The following TTC6 variants were observed in gnomAD, a reference collection of about 807,000 sequenced individuals.
The protein encoded by TTC6 is tetratricopeptide repeat protein 6.
Under a neutral mutation model 210.4 loss-of-function variants are expected in TTC6, and 172 were observed. The ratio of observed to expected loss-of-function variants is 0.82; its 90% confidence interval spans 0.72 to 0.93. The LOEUF (loss-of-function observed/expected upper bound fraction) is 0.93, where lower values mean the gene tolerates loss of function less well. TTC6 is among the 40% of genes least tolerant of loss of function. TTC6 has a pLI of 0.00. For synonymous variants in TTC6, 804 were observed against 819.6 expected (o/e 0.98, Z 0.32); for missense variants, 2,414 against 2,318.1 (o/e 1.04, Z -0.85).
intron 1 of TTC6, among the ~76,000 whole-genome samples, chr14:37,624,469 G>C (rs1381452303): frequency 6.6e-6 from 1 of 152,130 alleles, no homozygotes; most frequent in African/African-American, 2.4e-5. Context: ...GTCCCGTACA[G>C]TTGAGGAAAG....
At chr14:37,759,131 C>A (rs1032318944) in intron 14 of TTC6, among the ~76,000 whole-genome samples, 4 of 151,784 alleles carry the variant, frequency 2.6e-5, no homozygotes, top group African/African-American at 9.7e-5. Flanking sequence ...GGCGTGGTGG[C>A]ATATGCCTAT....
chr14:37,805,744 A>G (rs1434783266), intron 21 of TTC6, among the ~76,000 whole-genome samples: 1 of 152,078 alleles, frequency 6.6e-6, no homozygotes, highest in Non-Finnish European at 1.5e-5. Context: ...CTCTGTCGCC[A>G]GGGTGGAGTG....
At chr14:37,800,023 C>T (rs1459992614) in intron 20 of TTC6, among the ~76,000 whole-genome samples, 1 of 151,968 alleles carries the variant, frequency 6.6e-6, no homozygotes, top group Non-Finnish European at 1.5e-5. Context: ...TTTTTTGCAG[C>T]AACAAGAAAA....
intron 4 of TTC6, among the ~76,000 whole-genome samples, chr14:37,697,588 C>G (rs963928353): frequency 2.0e-5 from 3 of 152,006 alleles, no homozygotes; most frequent in Admixed American, 6.6e-5. Context: ...TTTTTATGGC[C>G]AGCTCAAACT....
intron 20 of TTC6, among the ~76,000 whole-genome samples, chr14:37,801,806 C>T (rs2096107306): frequency 6.6e-6 from 1 of 152,176 alleles, no homozygotes. Context: ...CGCTTTTATA[C>T]ATTTCAACCA....
At chr14:37,784,693 G>A (rs2096063559) in intron 14 of TTC6, among the ~76,000 whole-genome samples, 2 of 152,192 alleles carry the variant, frequency 1.3e-5, no homozygotes, top group Admixed American at 6.5e-5. Flanking sequence ...TTGCTTGTTA[G>A]TTGATGCAGT....
intron 18 of TTC6, 121 bp downstream of exon 20, chr14:37,795,473 T>G: frequency 1.8e-6 from 1 of 551,552 alleles, no homozygotes; most frequent in Middle Eastern, 2.8e-4. Flanking sequence ...CTCCCAGCAA[T>G]TGCCATTTCC....
intron 1 of TTC6, among the ~76,000 whole-genome samples, chr14:37,673,784 C>G (rs1204777568): frequency 6.6e-6 from 1 of 152,088 alleles, no homozygotes; most frequent in Non-Finnish European, 1.5e-5. Context: ...AAGGTCCTTC[C>G]AGCTTGGACA....
At chr14:37,604,305 C>T (rs1332499718) in intron 1 of TTC6, among the ~76,000 whole-genome samples, 1 of 152,178 alleles carries the variant, frequency 6.6e-6, no homozygotes, top group Non-Finnish European at 1.5e-5. Context: ...AAAGCACCAT[C>T]CGAAGGAGAT....
intron 14 of TTC6, among the ~76,000 whole-genome samples, chr14:37,761,478 G>C (rs2095984328): frequency 6.6e-6 from 1 of 151,918 alleles, no homozygotes; most frequent in South Asian, 2.1e-4. Context: ...CATTTTTAAG[G>C]TAAAATAAAG....
At chr14:37,762,807 C>T (rs2095988188) in intron 14 of TTC6, among the ~76,000 whole-genome samples, 1 of 151,698 alleles carries the variant, frequency 6.6e-6, no homozygotes, top group African/African-American at 2.4e-5. Flanking sequence ...CGTGTTGAAC[C>T]AACCTTGTGT....
intron 14 of TTC6, among the ~76,000 whole-genome samples, chr14:37,779,893 T>C (rs980576280): frequency 1.3e-5 from 2 of 152,152 alleles, no homozygotes; most frequent in African/African-American, 4.8e-5. Context: ...ATATGGGCCA[T>C]GGAAAGAAAG....
intron 1 of TTC6, among the ~76,000 whole-genome samples, chr14:37,624,846 C>T (rs998886716): frequency 2.6e-5 from 4 of 152,092 alleles, no homozygotes; most frequent in African/African-American, 7.2e-5. Flanking sequence ...TGGTCTCGAT[C>T]TCCTGACCTC....
At chr14:37,714,685 C>T (rs781195289) in exon 6 of TTC6, 1 of 1,535,432 alleles carries the variant, frequency 6.5e-7, no homozygotes, top group South Asian at 1.2e-5. Context: ...TTATGGATGA[C>T]AACCAAGAAT....
intron 1 of TTC6, among the ~76,000 whole-genome samples, chr14:37,653,583 G>GGGA (rs2095716743): frequency 6.6e-6 from 1 of 151,866 alleles, no homozygotes; most frequent in African/African-American, 2.4e-5. Flanking sequence ...TGCTATGGTC[G>GGGA]GGGAGAGATG....
At chr14:37,695,043 A>G (rs1447838807) in intron 3 of TTC6, among the ~76,000 whole-genome samples, 1 of 124,096 alleles carries the variant, frequency 8.1e-6, no homozygotes, top group South Asian at 2.5e-4. Context: ...CCTGTCTCAA[A>G]AAAAAAAAAA....
At chr14:37,834,066 T>C (rs918754613) in intron 29 of TTC6, among the ~76,000 whole-genome samples, 1 of 152,230 alleles carries the variant, frequency 6.6e-6, no homozygotes, top group Non-Finnish European at 1.5e-5. Flanking sequence ...GCTGTTAGTC[T>C]GACAGAAATT....
upstream of TTC6, chr14:37,621,934 C>T (rs2095651710): frequency 8.2e-6 from 5 of 609,652 alleles, no homozygotes; most frequent in South Asian, 7.3e-5. Flanking sequence ...TCAGGGAGCA[C>T]GGTGAGGTTC....
intron 17 of TTC6, among the ~76,000 whole-genome samples, chr14:37,793,065 C>T (rs547223142): frequency 1.3e-5 from 2 of 152,256 alleles, no homozygotes; most frequent in Non-Finnish European, 2.9e-5. Flanking sequence ...AGTAGACACC[C>T]ATTTATACCA....
Sources: allele counts gnomAD v4.1 joint callset (sites outside exome capture counted in the v4.1 genomes callset), GRCh38; gene constraint gnomAD v4.1.1; transcripts MANE v1.5; gene names NCBI Gene and HGNC (gene_info 2026-07-23, HGNC 2026-07-21).